Variants in USP24 observed in about 807,000 individuals in gnomAD.
USP24 encodes ubiquitin specific peptidase 24.
Under a neutral mutation model 361.6 loss-of-function variants are expected in USP24, and 97 were observed. That is an observed-to-expected ratio of 0.27 (90% CI 0.23 to 0.32). USP24 has a LOEUF of 0.32. Ranked by LOEUF, USP24 falls within the 10% of genes least tolerant of loss-of-function variation. The pLI is 1.00. For synonymous variants in USP24, 1,098 were observed against 1,124.6 expected (o/e 0.98, Z 0.47); for missense variants, 2,353 against 3,165.6 (o/e 0.74, Z 6.16).
chr1:55,198,837 T>C (rs1644486317), intron 1 of USP24, among the ~76,000 whole-genome samples: 1 of 152,230 alleles, frequency 6.6e-6, no homozygotes, highest in African/African-American at 2.4e-5. Context: ...AGAAGGCAAG[T>C]ATTTTCGTTT....
intron 42 of USP24, 85 bp downstream of exon 42, chr1:55,103,791 A>G: frequency 7.0e-7 from 1 of 1,424,118 alleles, no homozygotes; most frequent in Non-Finnish European, 9.4e-7. Context: ...CTTTGTGGTC[A>G]GCAGAATGCA....
chr1:55,134,812 G>A (rs1366165190), intron 28 of USP24, among the ~76,000 whole-genome samples: 4 of 152,138 alleles, frequency 2.6e-5, no homozygotes, highest in East Asian at 1.9e-4. Context: ...TTTATGTATC[G>A]ACATTCACAC....
intron 38 of USP24, among the ~76,000 whole-genome samples, chr1:55,117,757 A>G (rs1215259623): frequency 6.7e-6 from 1 of 150,112 alleles, no homozygotes; most frequent in African/African-American, 2.4e-5. Flanking sequence ...AAAAAAAAAA[A>G]AAAAAAAAAG....
At chr1:55,134,736 C>G (rs1646686670) in intron 28 of USP24, among the ~76,000 whole-genome samples, 1 of 152,150 alleles carries the variant, frequency 6.6e-6, no homozygotes, top group Non-Finnish European at 1.5e-5. Context: ...AGAGTAGGCA[C>G]CACTGAGCTA....
At chr1:55,209,090 AAAGG>A (rs894144043) in intron 1 of USP24, among the ~76,000 whole-genome samples, 1 of 152,184 alleles carries the variant, frequency 6.6e-6, no homozygotes, top group African/African-American at 2.4e-5. Flanking sequence ...CAAGCTTAAA[AAAGG>A]AAGTAAAACT....
intron 12 of USP24, among the ~76,000 whole-genome samples, chr1:55,156,312 A>T (rs1647653430): frequency 6.6e-6 from 1 of 152,200 alleles, no homozygotes; most frequent in South Asian, 2.1e-4. Flanking sequence ...ATGTAGTCAA[A>T]GCCACAGGAA....
At chr1:55,149,285 A>G (rs1489995743) in intron 16 of USP24, among the ~76,000 whole-genome samples, 1 of 152,204 alleles carries the variant, frequency 6.6e-6, no homozygotes, top group South Asian at 2.1e-4. Context: ...AGCATCTTTC[A>G]AACTATGAAA....
chr1:55,117,451 G>A (rs934921048), intron 38 of USP24, among the ~76,000 whole-genome samples: 1 of 152,196 alleles, frequency 6.6e-6, no homozygotes, highest in African/African-American at 2.4e-5. Context: ...AACTGTGGCC[G>A]GGCGCGGTGG....
chr1:55,119,657 T>G lies in USP24; in HGVS notation c.4508+939A>C, dbSNP rs191243658. ...TTTACATTCATTGCCCCTTTTTAAC[T>G]TGGCTGTTGGTCTTTTGCTTAATAA... is the stretch of plus-strand genomic sequence containing the variant. On this transcript the variant is annotated intron_variant, in intron 38 of 67. Transcript: ENST00000294383. 3.0e-3 allele frequency among the ~76,000 whole-genome samples: 459 copies of G among 152,212 alleles called. 3 individuals carry two copies. Among genetic ancestry groups the G allele is most frequent in the African/African-American group, 0.011 (447 of 41,536 alleles).
intron 46 of USP24, 85 bp from the exon 47 acceptor site, chr1:55,098,169 AACT>A: frequency 7.2e-7 from 1 of 1,392,530 alleles, no homozygotes; most frequent in African/African-American, 1.4e-5. Flanking sequence ...TTGAACACAG[AACT>A]ACATTTTTAA....
Position 55,215,043 on chromosome 1 carries a change from CG to C in USP24, c.70del (p.Arg24AlafsTer113). ...GTTCTTGGCCAGGCGCAGGGCCTTG[CG>C]GATGGTGGCGGGGTCTGAGAAGCCC... ...CMGFSDPATI[R>X]KALRLAKNDI... On this transcript the variant is annotated frameshift_variant, in exon 1 of 68. Coordinates refer to ENST00000294383, the MANE Select transcript of USP24 (RefSeq NM_015306.3). LOFTEE classifies it high-confidence loss of function. 6.8e-7 allele frequency: 1 copy of C among 1,468,414 alleles called. No homozygotes were observed. Among genetic ancestry groups the C allele is most frequent in the South Asian group, 1.3e-5 (1 of 75,788 alleles). 91.0% of individuals were successfully genotyped at this position (1,468,414 alleles called of 1,614,324 possible).
At position 55,159,596 on chromosome 1, in the gene USP24, G is replaced by A; in HGVS notation, c.1068+15C>T. ...AACTGGCACTGGGGCCTATCTGGCT[G>A]GAGAAGGCATTTACCTTGTCTTTGA... On this transcript the variant is annotated intron_variant, in intron 9 of 67. Coordinates refer to ENST00000294383, the MANE Select transcript of USP24 (RefSeq NM_015306.3). The A allele has an allele frequency of 6.4e-7, 1 of 1,554,090 alleles. No homozygotes were observed. Among genetic ancestry groups the A allele is most frequent in the Non-Finnish European group, 8.7e-7 (1 of 1,147,236 alleles).
At chr1:55,080,927 T>C (rs1335335438) in intron 59 of USP24, among the ~76,000 whole-genome samples, 1 of 152,168 alleles carries the variant, frequency 6.6e-6, no homozygotes, top group Non-Finnish European at 1.5e-5. Flanking sequence ...GGGAATTATG[T>C]TTTGAGTATT....
chr1:55,152,851 G>C (rs1221701778), intron 16 of USP24, among the ~76,000 whole-genome samples: 1 of 152,064 alleles, frequency 6.6e-6, no homozygotes, highest in Non-Finnish European at 1.5e-5. Flanking sequence ...ACTAAACTTT[G>C]TGATCAAACA....
chr1:55,145,302 A>G (rs12408725), intron 20 of USP24, among the ~76,000 whole-genome samples: 16,895 of 152,272 alleles, frequency 0.11, 1,139 homozygotes, highest in Non-Finnish European at 0.16. Flanking sequence ...TGGTATACCC[A>G]CACAGTGGAA....
In USP24 at chr1:55,205,014, C is replaced by T. The variant is rs182933266; in HGVS notation, c.324+9776G>A. ...AGACATGAGAGTACATTAAAGTATA[C>T]GAATGACAGAAAGAAAGTTAAGTAA... On this transcript the variant is annotated intron_variant, in intron 1 of 67. Coordinates refer to ENST00000294383, the MANE Select transcript of USP24 (RefSeq NM_015306.3). Among the ~76,000 whole-genome samples, 534 of 152,234 alleles carry T rather than the reference C, an allele frequency of 3.5e-3. 3 individuals carry two copies. Among genetic ancestry groups the T allele is most frequent in the African/African-American group, 0.012 (515 of 41,522 alleles).
Position 55,099,803 on chromosome 1 carries a change from T to C in USP24, c.5338A>G (p.Ser1780Gly). Residue 1780 changes from serine (S) to glycine (G), a missense_variant, in exon 45 of 68, where the codon AGT (serine) becomes GGT (glycine). Physicochemically the swap from Ser to Gly is moderately conservative, Grantham distance 56. Around this residue, in one of 8 missense-constraint regions of USP24, gnomAD observed 105 missense variants for 200.3 expected, o/e 0.52. Coordinates refer to ENST00000294383, the MANE Select transcript of USP24 (RefSeq NM_015306.3). ...TATTCATCCATCTGATCAATGAGAC[T>C]AGTAAAGAATTCATATGCATCCTGC... ...EQQDAYEFFTSLIDQMDEYLK... is the reference protein window; with the variant it reads ...EQQDAYEFFTGLIDQMDEYLK... 6.4e-7 allele frequency: 1 copy of C among 1,559,840 alleles called. No homozygotes were observed. The highest frequency in any genetic ancestry group is 8.7e-7 in the Non-Finnish European group (1 of 1,150,592).
chr1:55,071,115 T>C, intron 67 of USP24: 1 of 983,224 alleles, frequency 1.0e-6, no homozygotes, highest in Non-Finnish European at 1.2e-6. Context: ...ATCCGAAAGA[T>C]AACACTTAAA....
In USP24 at chr1:55,069,053, C is replaced by T. The variant is rs1478296405; in HGVS notation, c.7855G>A (p.Asp2619Asn). Residue 2619 changes from aspartate to asparagine, a missense_variant, in exon 68 of 68, where the codon GAT becomes AAT. Asp to Asn is a conservative substitution (Grantham distance 23). Around this residue, in one of 8 missense-constraint regions of USP24, gnomAD observed 53 missense variants for 57.7 expected, o/e 0.92. Transcript: ENST00000294383. ...AGGCTGGGCATGTTCCTCTAGGGAT[C>T]AACATCATCAAGGTCACTTCTCAAC... ...GELRSDLDDVDP is the reference protein window; with the variant it reads ...GELRSDLDDVNP 1.2e-6 allele frequency: 2 copies of T among 1,613,856 alleles called. No homozygotes were observed. Among genetic ancestry groups the T allele is most frequent in the African/African-American group, 2.7e-5 (2 of 74,910 alleles).
Sources: allele counts gnomAD v4.1 joint callset (sites outside exome capture counted in the v4.1 genomes callset), GRCh38; gene constraint gnomAD v4.1.1; regional missense constraint gnomAD v4.1.1; transcripts MANE v1.5; gene names NCBI Gene and HGNC (gene_info 2026-07-23, HGNC 2026-07-21).